Variants in LRRC4C observed in about 807,000 individuals in gnomAD.
The protein encoded by LRRC4C is leucine rich repeat containing 4C.
Under a neutral mutation model 33.6 loss-of-function variants are expected in LRRC4C, and 5 were observed. The ratio of observed to expected loss-of-function variants is 0.15; its 90% CI spans 0.08 to 0.31. The LOEUF (loss-of-function observed/expected upper bound fraction) is 0.31, where lower values mean the gene tolerates loss of function less well. Among genes scored for constraint, LRRC4C ranks in the 10% least tolerant of loss-of-function variants. The pLI is 1.00. For missense variants in LRRC4C, 560 were observed against 796.7 expected, an observed-to-expected ratio of 0.70 and a Z score of 3.58; for synonymous variants, 329 against 302.0, an observed-to-expected ratio of 1.09 and a Z score of -0.93.
intron 4 of LRRC4C, chr11:40,292,080 T>G (rs1163642149): frequency 6.6e-6 from 1 of 150,882 alleles, no homozygotes; most frequent in Non-Finnish European, 1.5e-5. Flanking sequence ...TGGCCCCCAA[T>G]AGCCAGTTCT....
At chr11:41,029,566 G>T (rs1375527775) in intron 1 of LRRC4C, among the ~76,000 whole-genome samples, 1 of 151,734 alleles carries the variant, frequency 6.6e-6, no homozygotes, top group Non-Finnish European at 1.5e-5. Context: ...GAGTAACACA[G>T]AGAATGTTGG....
chr11:40,916,454 A>C (rs1037192638), intron 2 of LRRC4C, among the ~76,000 whole-genome samples: 1 of 152,086 alleles, frequency 6.6e-6, no homozygotes, highest in African/African-American at 2.4e-5. Flanking sequence ...AGGACAAAAA[A>C]CCAAACACCA....
At chr11:41,235,745 A>G (rs2136500298) in intron 1 of LRRC4C, among the ~76,000 whole-genome samples, 1 of 152,206 alleles carries the variant, frequency 6.6e-6, no homozygotes, top group Admixed American at 6.5e-5. Flanking sequence ...TGTCATCTGT[A>G]CTTGGATAAT....
chr11:40,640,890 C>G (rs770638804), intron 3 of LRRC4C, among the ~76,000 whole-genome samples: 78 of 151,772 alleles, frequency 5.1e-4, no homozygotes, highest in Non-Finnish European at 5.1e-4. Flanking sequence ...GTGGCGGGCG[C>G]CTGTAGTCCC....
chr11:40,217,958 G>A (rs1301134524), intron 5 of LRRC4C, among the ~76,000 whole-genome samples: 4 of 152,070 alleles, frequency 2.6e-5, no homozygotes, highest in Non-Finnish European at 5.9e-5. Flanking sequence ...TAATATCCCT[G>A]CAAAGCAATC....
intron 3 of LRRC4C, among the ~76,000 whole-genome samples, chr11:40,574,339 T>C (rs1319070790): frequency 6.6e-6 from 1 of 152,172 alleles, no homozygotes; most frequent in African/African-American, 2.4e-5. Context: ...AGAACAGACC[T>C]TGAAGCCCTG....
At chr11:40,373,625 G>C (rs1265772674) in intron 3 of LRRC4C, among the ~76,000 whole-genome samples, 1 of 152,144 alleles carries the variant, frequency 6.6e-6, no homozygotes, top group Non-Finnish European at 1.5e-5. Context: ...GTTGGAAGTA[G>C]GGCCTGGAGG....
intron 1 of LRRC4C, among the ~76,000 whole-genome samples, chr11:41,357,077 C>T (rs1189208980): frequency 6.6e-6 from 1 of 152,022 alleles, no homozygotes; most frequent in African/African-American, 2.4e-5. Flanking sequence ...CATTTATTTG[C>T]ACCCTACACA....
intron 1 of LRRC4C, among the ~76,000 whole-genome samples, chr11:41,077,367 C>T (rs1423885018): frequency 6.6e-6 from 1 of 152,224 alleles, no homozygotes; most frequent in Non-Finnish European, 1.5e-5. Context: ...GCCTGGACAT[C>T]CAGGCATTTC....
chr11:41,091,711 C>G (rs1181526562), intron 1 of LRRC4C, among the ~76,000 whole-genome samples: 1 of 151,982 alleles, frequency 6.6e-6, no homozygotes, highest in African/African-American at 2.4e-5. Context: ...ATCATATACC[C>G]ATTATGATTT....
At chr11:40,417,454 C>A (rs1231410178) in intron 3 of LRRC4C, among the ~76,000 whole-genome samples, 1 of 152,082 alleles carries the variant, frequency 6.6e-6, no homozygotes, top group Non-Finnish European at 1.5e-5. Context: ...GCCTCAGCCT[C>A]CCAAGTAGCT....
At chr11:40,518,928 G>A (rs768911365) in intron 3 of LRRC4C, among the ~76,000 whole-genome samples, 3 of 152,098 alleles carry the variant, frequency 2.0e-5, no homozygotes, top group Non-Finnish European at 2.9e-5. Flanking sequence ...AAAAGGATGA[G>A]GTAATGTCCT....
At chr11:40,388,885 A>G (rs1463404103) in intron 3 of LRRC4C, among the ~76,000 whole-genome samples, 1 of 152,108 alleles carries the variant, frequency 6.6e-6, no homozygotes, top group Non-Finnish European at 1.5e-5. Flanking sequence ...GTACTGCAAA[A>G]TGGAGACATC....
chr11:41,029,724 T>A (rs2137800230), intron 1 of LRRC4C, among the ~76,000 whole-genome samples: 1 of 151,972 alleles, frequency 6.6e-6, no homozygotes, highest in Non-Finnish European at 1.5e-5. Flanking sequence ...GCACTTGATC[T>A]CTGCATGTAA....
chr11:40,368,026 T>A (rs1948287940), intron 3 of LRRC4C, among the ~76,000 whole-genome samples: 1 of 152,140 alleles, frequency 6.6e-6, no homozygotes, highest in Non-Finnish European at 1.5e-5. Flanking sequence ...GGCAGCTATA[T>A]TTTTATTCAT....
chr11:41,185,452 T>G (rs1354519239), intron 1 of LRRC4C, among the ~76,000 whole-genome samples: 1 of 152,194 alleles, frequency 6.6e-6, no homozygotes, highest in Non-Finnish European at 1.5e-5. Flanking sequence ...TTGTAATCTG[T>G]AGAAGCAAGT....
At chr11:40,633,358 T>TTTC (rs1441924175) in intron 3 of LRRC4C, among the ~76,000 whole-genome samples, 4 of 44,924 alleles carry the variant, frequency 8.9e-5, no homozygotes, top group Admixed American at 2.2e-4. Flanking sequence ...TCTTTCTTTC[T>TTTC]TTCTTTCTTT....
intron 4 of LRRC4C, among the ~76,000 whole-genome samples, chr11:40,249,290 G>T (rs1041469270): frequency 6.6e-6 from 1 of 152,070 alleles, no homozygotes; most frequent in Non-Finnish European, 1.5e-5. Flanking sequence ...AGTGAGCCGA[G>T]ATCGCACTAC....
chr11:40,158,975 A>G (rs1271914495), intron 5 of LRRC4C, among the ~76,000 whole-genome samples: 1 of 152,208 alleles, frequency 6.6e-6, no homozygotes, highest in Non-Finnish European at 1.5e-5. Flanking sequence ...TTATCTTAAA[A>G]TAATCTAAAT....
Sources: allele counts gnomAD v4.1 joint callset (sites outside exome capture counted in the v4.1 genomes callset), GRCh38; gene constraint gnomAD v4.1.1; transcripts MANE v1.5; gene names NCBI Gene and HGNC (gene_info 2026-07-23, HGNC 2026-07-21).